The following RUFY2 variants were observed in gnomAD, a reference collection of about 807,000 sequenced individuals.
The protein encoded by RUFY2 is RUN and FYVE domain containing 2.
A neutral mutation model predicts 94.4 loss-of-function variants in RUFY2; 49 were observed. The ratio of observed to expected loss-of-function variants is 0.52; its 90% CI spans 0.41 to 0.66. The LOEUF is 0.66. Ranked by LOEUF, RUFY2 falls within the 30% of genes least tolerant of loss-of-function variation. The pLI, the probability that RUFY2 is intolerant of heterozygous loss-of-function variation, is 0.00. For synonymous variants in RUFY2, 255 were observed against 235.7 expected (o/e 1.08, Z -0.75); for missense variants, 541 against 692.8 (o/e 0.78, Z 2.46).
In RUFY2 at chr10:68,404,722, AG is replaced by A. The variant is rs751531309; in HGVS notation, c.126del (p.Leu43CysfsTer12). 6.2e-7 allele frequency: 1 copy of A among 1,613,066 alleles called. No homozygotes were observed. Among genetic ancestry groups the A allele is most frequent in the Non-Finnish European group, 8.5e-7 (1 of 1,179,614 alleles). Reference sequence around the variant, plus strand: ...TCCATAACAACAAAGAATTGCTGCAAGGGGGGATAGTCAGAATCCAAAGTGC... The same window carrying A: ...TCCATAACAACAAAGAATTGCTGCAAGGGGGATAGTCAGAATCCAAAGTGC... ...FGRTLDSDYP[P>X]LQQFFVVMEH... On this transcript the variant is annotated frameshift_variant, in exon 2 of 18. Transcript: ENST00000602465. LOFTEE classifies it high-confidence loss of function.
intron 1 of RUFY2, chr10:68,405,391 TATTC>T: frequency 2.5e-6 from 2 of 807,798 alleles, no homozygotes; most frequent in Non-Finnish European, 3.0e-6. Flanking sequence ...GTTAATGAAT[TATTC>T]TCAAGATCCT....
intron 3 of RUFY2, among the ~76,000 whole-genome samples, chr10:68,399,112 T>C (rs7917432): frequency 0.27 from 41,265 of 151,856 alleles, 7,803 homozygotes; most frequent in African/African-American, 0.54. Context: ...GATACGACCT[T>C]GGCTCACTGC....
chr10:68,383,748 TA>T, intron 10 of RUFY2, 49 bp downstream of exon 10: 3 of 1,273,434 alleles, frequency 2.4e-6, no homozygotes, highest in Non-Finnish European at 3.4e-6. Flanking sequence ...TGCTTGAGGG[TA>T]AATTACTCCC....
intron 2 of RUFY2, 144 bp from the exon 3 acceptor site, chr10:68,401,881 G>T: frequency 1.7e-6 from 1 of 576,464 alleles, no homozygotes; most frequent in Non-Finnish European, 3.1e-6. Flanking sequence ...TATCCCAGTG[G>T]ATCTGGAGCC....
chr10:68,368,301 C>G (rs2048008759), intron 13 of RUFY2, among the ~76,000 whole-genome samples: 1 of 151,912 alleles, frequency 6.6e-6, no homozygotes, highest in Admixed American at 6.6e-5. Flanking sequence ...ACTTCCTGGC[C>G]TAAAGCCAGG....
intron 8 of RUFY2, 126 bp downstream of exon 8, chr10:68,385,933 C>T: frequency 1.9e-6 from 1 of 515,336 alleles, no homozygotes; most frequent in East Asian, 3.2e-5. Context: ...GACTATATTA[C>T]AAGTATTGCA....
intron 15 of RUFY2, among the ~76,000 whole-genome samples, chr10:68,363,133 C>A (rs1175859426): frequency 6.6e-6 from 1 of 152,140 alleles, no homozygotes; most frequent in African/African-American, 2.4e-5. Context: ...TTAATAAAAT[C>A]TCTCTAGTCT....
chr10:68,390,588 G>C (rs2049900242), intron 7 of RUFY2, among the ~76,000 whole-genome samples: 1 of 151,944 alleles, frequency 6.6e-6, no homozygotes, highest in South Asian at 2.1e-4. Context: ...GGATTTTGTA[G>C]ACAGTGCCAA....
intron 7 of RUFY2, among the ~76,000 whole-genome samples, chr10:68,391,805 CA>C (rs1454131124): frequency 1.3e-5 from 2 of 150,874 alleles, no homozygotes; most frequent in African/African-American, 4.9e-5. Flanking sequence ...ACTAAGAATA[CA>C]AAAAAATTAA....
At chr10:68,400,465 A>G (rs1266525167) in intron 3 of RUFY2, among the ~76,000 whole-genome samples, 1 of 150,744 alleles carries the variant, frequency 6.6e-6, no homozygotes, top group Non-Finnish European at 1.5e-5. Flanking sequence ...TCACAAGGTC[A>G]GGAGATCAAG....
chr10:68,400,087 T>A (rs2050697590), intron 3 of RUFY2, among the ~76,000 whole-genome samples: 1 of 151,148 alleles, frequency 6.6e-6, no homozygotes. Flanking sequence ...GCCAATTCCA[T>A]CACTATTGAG....
At chr10:68,396,949 G>A in intron 3 of RUFY2, 68 bp from the exon 4 acceptor site, 1 of 1,014,196 alleles carries the variant, frequency 9.9e-7, no homozygotes, top group Non-Finnish European at 1.5e-6. Flanking sequence ...GTCTCTAGAG[G>A]TAAACATTAA....
chr10:68,393,885 A>G, intron 6 of RUFY2, 190 bp downstream of exon 6: 1 of 1,279,458 alleles, frequency 7.8e-7, no homozygotes, highest in Non-Finnish European at 1.0e-6. Flanking sequence ...TATTAATAAA[A>G]CCTCCTTCTC....
rs775606217 is a variant in RUFY2 at position 68,404,684 on chromosome 10, T to C, written c.165A>G (p.Lys55=). ...QFFVVMEHCL[K]HGLKVRKSFL... is the part of the protein sequence containing the mutation. ...ATCTCATGATACCTTTAAGACCGTGTTTCAGGCAATGTTCCATAACAACAA... is the reference window on the plus strand; with the variant it reads ...ATCTCATGATACCTTTAAGACCGTGCTTCAGGCAATGTTCCATAACAACAA... The change falls in exon 2 of 18, where the codon AAA becomes AAG. Residue 55 remains lysine, a synonymous_variant. Transcript: ENST00000602465. 5.0e-6 allele frequency: 8 copies of C among 1,605,676 alleles called. No individual in the cohort carries two copies. Among genetic ancestry groups the C allele is most frequent in the Non-Finnish European group, 6.8e-6 (8 of 1,176,568 alleles).
chr10:68,373,346 CAACA>C (rs1158297259), intron 13 of RUFY2, among the ~76,000 whole-genome samples: 30 of 152,236 alleles, frequency 2.0e-4, no homozygotes, highest in Admixed American at 1.9e-3. Flanking sequence ...AATAGAGGAA[CAACA>C]AACAGGAAAA....
chr10:68,376,082 G>A (rs1390121898), intron 13 of RUFY2, among the ~76,000 whole-genome samples: 14 of 144,380 alleles, frequency 9.7e-5, no homozygotes, highest in African/African-American at 2.8e-4. Context: ...CAGCCTGGGC[G>A]ACAGAGTGAG....
chr10:68,355,383 T>G lies in RUFY2; in HGVS notation c.1569A>C (p.Glu523Asp). The G allele has an allele frequency of 6.2e-7, 1 of 1,610,568 alleles. No homozygotes were observed. Among genetic ancestry groups the G allele is most frequent in the Non-Finnish European group, 8.5e-7 (1 of 1,177,124 alleles). The change falls in exon 16 of 18, where the codon GAA (glutamate) becomes GAC (aspartate). Residue 523 changes from glutamate to aspartate, a missense_variant. Transcript: ENST00000602465. The stretch of plus-strand genomic sequence containing the variant: ...ATGCTTTGTTGGCTTCTTTTATGTC[T>G]TCAATTTTAAGTTTTGATCTAAAAA... ...NKLSESKLKIEDIKEANKALQ... is the reference protein window; with the variant it reads ...NKLSESKLKIDDIKEANKALQ...
chr10:68,406,651 G>A (rs1590030272), intron 1 of RUFY2: 8 of 1,142,686 alleles, frequency 7.0e-6, no homozygotes, highest in Non-Finnish European at 9.6e-6. Context: ...CCCGCACCTT[G>A]CCGGGGCCTA....
At chr10:68,385,285 T>C (rs1171629937) in intron 8 of RUFY2, among the ~76,000 whole-genome samples, 1 of 147,928 alleles carries the variant, frequency 6.8e-6, no homozygotes, top group Non-Finnish European at 1.5e-5. Context: ...AAATTTAGGC[T>C]AATGAGAATG....
Sources: allele counts gnomAD v4.1 joint callset (sites outside exome capture counted in the v4.1 genomes callset), GRCh38; gene constraint gnomAD v4.1.1; transcripts MANE v1.5; gene names NCBI Gene and HGNC (gene_info 2026-07-23, HGNC 2026-07-21).